Variants in PIAS4 observed in about 807,000 individuals in gnomAD.
The protein encoded by PIAS4 is protein inhibitor of activated STAT 4.
PIAS4 carries 7 observed loss-of-function variants against 58.0 expected under a neutral mutation model. That is an observed-to-expected ratio of 0.12 (90% CI 0.07 to 0.23). The LOEUF (loss-of-function observed/expected upper bound fraction) is 0.23. Ranked by LOEUF, PIAS4 falls within the 10% of genes least tolerant of loss-of-function variation. The probability of loss-of-function intolerance (pLI) is 1.00; values close to 1 mark genes in which losing one functional copy is unlikely to be tolerated. For missense variants in PIAS4, 550 were observed against 709.5 expected, an observed-to-expected ratio of 0.78 and a Z score of 2.55; for synonymous variants, 364 against 312.4, an observed-to-expected ratio of 1.17 and a Z score of -1.74.
At chr19:4,031,431 C>T (rs539997979) in intron 7 of PIAS4, among the ~76,000 whole-genome samples, 10 of 152,310 alleles carry the variant, frequency 6.6e-5, no homozygotes, top group Middle Eastern at 3.4e-3. Context: ...GCTATGTACC[C>T]GTGTGACCAG....
intron 2 of PIAS4, among the ~76,000 whole-genome samples, chr19:4,021,726 C>A (rs1169814035): frequency 6.6e-6 from 1 of 150,474 alleles, no homozygotes; most frequent in Non-Finnish European, 1.5e-5. Context: ...CCGATATGGA[C>A]CTGCATTTTC....
At chr19:4,036,846 C>T (rs1415270426) in intron 9 of PIAS4, among the ~76,000 whole-genome samples, 2 of 144,206 alleles carry the variant, frequency 1.4e-5, no homozygotes, top group South Asian at 2.1e-4. Flanking sequence ...ACACACACGC[C>T]CACACCCGCA....
intron 9 of PIAS4, among the ~76,000 whole-genome samples, chr19:4,036,102 A>AC (rs2040279570): frequency 1.6e-5 from 1 of 63,348 alleles, no homozygotes; most frequent in African/African-American, 6.2e-5. Context: ...ACCGTCATAC[A>AC]AACACACACA....
At chr19:4,018,110 C>T (rs750920382) in intron 2 of PIAS4, among the ~76,000 whole-genome samples, 8 of 152,238 alleles carry the variant, frequency 5.3e-5, no homozygotes, top group Non-Finnish European at 8.8e-5. Context: ...CCAGGCCCGG[C>T]CCCAGTCAGC....
At chr19:4,015,278 G>A (rs1382956919) in intron 2 of PIAS4, among the ~76,000 whole-genome samples, 2 of 152,194 alleles carry the variant, frequency 1.3e-5, no homozygotes, top group Non-Finnish European at 2.9e-5. Flanking sequence ...GGGCAGGCTT[G>A]GTCCAGGGCG....
At chr19:4,025,177 T>A (rs1239273718) in intron 3 of PIAS4, among the ~76,000 whole-genome samples, 1 of 152,242 alleles carries the variant, frequency 6.6e-6, no homozygotes. Flanking sequence ...TGCAGGCTGC[T>A]GAGCAGCATC....
intron 2 of PIAS4, among the ~76,000 whole-genome samples, chr19:4,019,070 C>A (rs777486855): frequency 6.6e-6 from 1 of 152,060 alleles, no homozygotes; most frequent in African/African-American, 2.4e-5. Context: ...TCGTCTGCAC[C>A]GGGCGGGATT....
At chr19:4,026,042 C>T (rs1302637425) in intron 3 of PIAS4, among the ~76,000 whole-genome samples, 1 of 136,604 alleles carries the variant, frequency 7.3e-6, no homozygotes, top group Non-Finnish European at 1.5e-5. Context: ...CCACTGCACT[C>T]CAGCCTGGGC....
At position 4,028,806 on chromosome 19, in the gene PIAS4, G is replaced by A. The variant is rs1327821146; in HGVS notation, c.759G>A (p.Ser253=). Residue 253 remains serine (S), a synonymous_variant, in exon 6 of 11, where the codon TCG becomes TCA. Transcript: ENST00000262971. ...TCACCCACCTCATGTACCTGTCCTC[G>A]GCCACCAACCGCATCACTGTCACCT... The part of the protein sequence containing the change: ...INLTHLMYLS[S]ATNRITVTWG... The A allele has an allele frequency of 5.0e-6, 8 of 1,613,408 alleles. No individual in the cohort carries two copies. Among genetic ancestry groups the A allele is most frequent in the Middle Eastern group, 1.6e-4 (1 of 6,084 alleles).
intron 1 of PIAS4, 42 bp downstream of exon 1, chr19:4,007,829 G>C: frequency 8.3e-7 from 1 of 1,200,694 alleles, no homozygotes; most frequent in Non-Finnish European, 1.0e-6. Context: ...AAGTGGGCGA[G>C]AGGGCGGGGG....
chr19:4,008,308 C>T (rs982230154), intron 1 of PIAS4, among the ~76,000 whole-genome samples: 1 of 152,054 alleles, frequency 6.6e-6, no homozygotes, highest in Non-Finnish European at 1.5e-5. Flanking sequence ...TCGGAAGGGT[C>T]CCCCGAGTCC....
rs2028827 is a variant in PIAS4 at position 4,024,022 on chromosome 19, G to C, written c.455-14G>C. On this transcript the variant is annotated splice_polypyrimidine_tract_variant and intron_variant, in intron 2 of 10. Transcript: ENST00000262971. ...AGGGACCAGACATGCCCCTGACCCC[G>C]TGTTTGTCTTCAGTCCCACAGAACA... 1.2e-6 allele frequency: 2 copies of C among 1,601,146 alleles called. No homozygotes were observed. Among genetic ancestry groups the C allele is most frequent in the South Asian group, 1.1e-5 (1 of 90,854 alleles).
Position 4,038,771 on chromosome 19 carries a change from C to A in PIAS4, c.*896C>A. The A allele has an allele frequency of 1.3e-5, 2 of 154,370 alleles. No individual in the cohort carries two copies. The highest frequency in any genetic ancestry group is 3.6e-4 in the South Asian group (2 of 5,624). The allele number at this position is 154,370 out of a possible 1,614,324, so 9.6% of individuals were successfully genotyped here. A position where few individuals can be genotyped will look rare whatever the true frequency, so the allele number is the denominator to read the frequency against. ...CGGTCCTTGGGGCATGGGTTGCGGT[C>A]GCTTCCCAAGGGGCAGCAGGGACCC... is the stretch of plus-strand genomic sequence containing the variant. On this transcript the variant is annotated 3_prime_UTR_variant, in exon 11 of 11. Coordinates refer to ENST00000262971, the MANE Select transcript of PIAS4 (RefSeq NM_015897.4). The surrounding 1 kb of genome is among the most constrained non-coding windows in gnomAD (Gnocchi z 4.1).
intron 2 of PIAS4, among the ~76,000 whole-genome samples, chr19:4,014,194 C>A (rs1465160083): frequency 6.6e-6 from 1 of 152,184 alleles, no homozygotes; most frequent in Admixed American, 6.5e-5. Flanking sequence ...AGGTGCTGGG[C>A]TCCACGCTTC....
chr19:4,011,010 GC>G, intron 1 of PIAS4, among the ~76,000 whole-genome samples: 1 of 152,334 alleles, frequency 6.6e-6, no homozygotes, highest in African/African-American at 2.4e-5. Flanking sequence ...CCGACAGTGG[GC>G]CCCGGCTGCT....
intron 9 of PIAS4, among the ~76,000 whole-genome samples, chr19:4,035,281 A>G (rs1449313442): frequency 6.6e-6 from 1 of 152,094 alleles, no homozygotes; most frequent in Non-Finnish European, 1.5e-5. Flanking sequence ...TAGCCTTGAC[A>G]GTAACAGGCC....
rs184584997 is a variant in PIAS4 at position 4,022,795 on chromosome 19, C to G, written c.455-1241C>G. On this transcript the variant is annotated intron_variant, in intron 2 of 10. Coordinates refer to ENST00000262971, the MANE Select transcript of PIAS4 (RefSeq NM_015897.4). ...TCAGACAATTCTCCTGCCTCAGCCTCCCAAGTAGCTGGGATTACAGGCGCC... is the reference window on the plus strand; with the variant it reads ...TCAGACAATTCTCCTGCCTCAGCCTGCCAAGTAGCTGGGATTACAGGCGCC... Among the ~76,000 whole-genome samples the G allele has an allele frequency of 1.4e-4, 21 of 152,080 alleles. No individual in the cohort carries two copies. In the East Asian group the frequency reaches 3.9e-3, roughly 28 times the overall value.
intron 7 of PIAS4, among the ~76,000 whole-genome samples, chr19:4,032,269 G>C (rs1391627224): frequency 2.0e-5 from 3 of 152,164 alleles, no homozygotes; most frequent in African/African-American, 7.2e-5. Context: ...GTGGCTTCCT[G>C]GAGGAAGCAA....
chr19:4,028,264 A>AGG, intron 4 of PIAS4, 77 bp downstream of exon 4: 6 of 996,786 alleles, frequency 6.0e-6, no homozygotes, highest in African/African-American at 2.5e-5. Flanking sequence ...GTCCTGGCCC[A>AGG]GGCCCTTCTC....
Sources: allele counts gnomAD v4.1 joint callset (sites outside exome capture counted in the v4.1 genomes callset), GRCh38; gene constraint gnomAD v4.1.1; non-coding constraint Gnocchi (gnomAD v3.1); transcripts MANE v1.5; gene names NCBI Gene and HGNC (gene_info 2026-07-23, HGNC 2026-07-21).